Variants in RBFOX1 observed in about 807,000 individuals in gnomAD.
RBFOX1 encodes the protein RNA binding protein fox-1 homolog 1.
Under a neutral mutation model 57.7 loss-of-function variants are expected in RBFOX1, and 8 were observed. The ratio of observed to expected loss-of-function variants is 0.14; its 90% CI spans 0.08 to 0.25. The LOEUF (loss-of-function observed/expected upper bound fraction) is 0.25, where lower values mean the gene tolerates loss of function less well. Among genes scored for constraint, RBFOX1 ranks in the 10% least tolerant of loss-of-function variants. RBFOX1 has a pLI of 1.00. For missense variants in RBFOX1, 611 were observed against 548.5 expected, an observed-to-expected ratio of 1.11 and a Z score of -1.14; for synonymous variants, 326 against 222.4, an observed-to-expected ratio of 1.47 and a Z score of -4.15.
chr16:5,344,445 C>A (rs138251967), intron 1 of RBFOX1, among the ~76,000 whole-genome samples: 2 of 152,302 alleles, frequency 1.3e-5, no homozygotes, highest in East Asian at 3.9e-4. Context: ...AATTGAATTA[C>A]ACTCACTGGA....
rs572793165 is a variant in RBFOX1, at chr16:5,289,713, G to A, written c.219+49608G>A. 5.1e-4 allele frequency among the ~76,000 whole-genome samples: 77 copies of A among 152,314 alleles called. 1 individual carries two copies. The highest frequency in any genetic ancestry group is 1.9e-3 in the African/African-American group (77 of 41,558). On this transcript the variant is annotated intron_variant, in intron 1 of 2. Transcript: ENST00000585867. ...TAAGTTGAGGGTGACCCAGGTCAAC[G>A]TGAATTGCTCTGAAAGAGAAGCAAA...
At chr16:6,700,449 G>T (rs1269455250) in intron 3 of RBFOX1, among the ~76,000 whole-genome samples, 2 of 152,046 alleles carry the variant, frequency 1.3e-5, no homozygotes, top group African/African-American at 4.8e-5. Flanking sequence ...CCTGAGGTCA[G>T]GAGTTGGAGA....
chr16:5,864,581 A>T (rs2057301373), intron 3 of RBFOX1, among the ~76,000 whole-genome samples: 1 of 147,680 alleles, frequency 6.8e-6, no homozygotes, highest in African/African-American at 2.5e-5. Context: ...TATCTTATGT[A>T]CACTTTTCTG....
intron 2 of RBFOX1, among the ~76,000 whole-genome samples, chr16:6,463,747 C>G (rs1346654194): frequency 6.6e-6 from 1 of 152,144 alleles, no homozygotes; most frequent in African/African-American, 2.4e-5. Context: ...GCTTACTAAC[C>G]GCCCCAAGTT....
chr16:6,839,034 G>T (rs1880227700), intron 3 of RBFOX1, among the ~76,000 whole-genome samples: 1 of 151,772 alleles, frequency 6.6e-6, no homozygotes, highest in Non-Finnish European at 1.5e-5. Flanking sequence ...GACGAGGCTG[G>T]AGTGCAGTGC....
At chr16:6,640,208 ATTATT>A (rs1467164669) in intron 2 of RBFOX1, among the ~76,000 whole-genome samples, 1 of 152,208 alleles carries the variant, frequency 6.6e-6, no homozygotes, top group Non-Finnish European at 1.5e-5. Context: ...ATTATGGTGA[ATTATT>A]TTATTATCTT....
intron 4 of RBFOX1, among the ~76,000 whole-genome samples, chr16:7,459,525 T>G (rs2059161089): frequency 6.6e-6 from 1 of 152,214 alleles, no homozygotes; most frequent in East Asian, 1.9e-4. Context: ...ATTAAAGCCT[T>G]GCATCCACTG....
intron 2 of RBFOX1, among the ~76,000 whole-genome samples, chr16:6,505,690 A>T (rs1022995221): frequency 4.6e-5 from 7 of 152,226 alleles, no homozygotes; most frequent in African/African-American, 1.7e-4. Context: ...GATACATTCA[A>T]AGGAAAAAGT....
chr16:7,360,812 T>C (rs531000365), intron 4 of RBFOX1, among the ~76,000 whole-genome samples: 6 of 152,334 alleles, frequency 3.9e-5, no homozygotes, highest in African/African-American at 1.4e-4. Flanking sequence ...CACAGTGCCA[T>C]TAATTAGGCT....
intron 3 of RBFOX1, among the ~76,000 whole-genome samples, chr16:5,792,565 G>A (rs769983827): frequency 6.6e-6 from 1 of 152,202 alleles, no homozygotes; most frequent in African/African-American, 2.4e-5. Context: ...AAATATGGCT[G>A]GGTGCAGTGG....
chr16:5,445,002 C>T (rs1219515852), intron 1 of RBFOX1, among the ~76,000 whole-genome samples: 1 of 152,156 alleles, frequency 6.6e-6, no homozygotes, highest in Non-Finnish European at 1.5e-5. Context: ...CATCTTCCTC[C>T]TCCTCCTTCT....
chr16:7,185,461 G>C (rs993836886), intron 4 of RBFOX1, among the ~76,000 whole-genome samples: 1 of 152,138 alleles, frequency 6.6e-6, no homozygotes, highest in South Asian at 2.1e-4. Context: ...GACTAGATTA[G>C]AGCTATCTGG....
intron 1 of RBFOX1, among the ~76,000 whole-genome samples, chr16:5,282,977 A>C (rs1438421555): frequency 6.6e-6 from 1 of 152,138 alleles, no homozygotes; most frequent in African/African-American, 2.4e-5. Flanking sequence ...TAGGAAGAAA[A>C]GATGGTTTTG....
At chr16:5,784,344 G>A (rs930000453) in intron 3 of RBFOX1, among the ~76,000 whole-genome samples, 2 of 151,998 alleles carry the variant, frequency 1.3e-5, no homozygotes, top group African/African-American at 2.4e-5. Context: ...GGAGAATGGC[G>A]TGAACCCAGG....
intron 6 of RBFOX1, among the ~76,000 whole-genome samples, chr16:7,582,320 ATC>A (rs1003279489): frequency 2.0e-5 from 3 of 152,194 alleles, no homozygotes; most frequent in African/African-American, 7.2e-5. Flanking sequence ...CACAAATAGC[ATC>A]TGTGTCCCTT....
At chr16:6,515,089 G>T (rs2096347197) in intron 2 of RBFOX1, among the ~76,000 whole-genome samples, 1 of 152,162 alleles carries the variant, frequency 6.6e-6, no homozygotes, top group Non-Finnish European at 1.5e-5. Context: ...AAGGAAAGGA[G>T]AGAAGGAGAG....
chr16:6,057,080 G>T (rs1025235412), intron 1 of RBFOX1: 24 of 136,948 alleles, frequency 1.8e-4, no homozygotes, highest in African/African-American at 3.4e-4. Flanking sequence ...AACACAGGAG[G>T]GGGGGGAATA....
At chr16:6,403,242 C>T (rs563229966) in intron 2 of RBFOX1, among the ~76,000 whole-genome samples, 1 of 152,128 alleles carries the variant, frequency 6.6e-6, no homozygotes, top group Non-Finnish European at 1.5e-5. Flanking sequence ...AATTTGTAAA[C>T]AAAAGTTTGA....
intron 3 of RBFOX1, among the ~76,000 whole-genome samples, chr16:6,886,728 G>A (rs372624462): frequency 4.7e-5 from 7 of 150,018 alleles, no homozygotes; most frequent in South Asian, 2.1e-4. Context: ...GCACTCCAGC[G>A]TGGGCAAGCA....
Sources: allele counts gnomAD v4.1 joint callset (sites outside exome capture counted in the v4.1 genomes callset), GRCh38; gene constraint gnomAD v4.1.1; transcripts MANE v1.5; gene names NCBI Gene and HGNC (gene_info 2026-07-23, HGNC 2026-07-21).